The following NEB variants were observed in gnomAD, a reference collection of about 807,000 sequenced individuals.
NEB encodes the protein nemaline myopathy type 2.
Under a neutral mutation model 952.2 loss-of-function variants are expected in NEB, and 512 were observed. The observed-to-expected ratio is 0.54, with a 90% CI of 0.50 to 0.58. The LOEUF (loss-of-function observed/expected upper bound fraction) is 0.58. NEB is among the 20% of genes least tolerant of loss of function. The pLI, the probability that NEB is intolerant of heterozygous loss-of-function variation, is 0.00. For missense variants in NEB, 8,428 were observed against 9,231.1 expected (o/e 0.91, Z 3.56); for synonymous variants, 2,900 against 3,149.8 (o/e 0.92, Z 2.66).
intron 75 of NEB, among the ~76,000 whole-genome samples, chr2:151,616,475 G>A (rs139960481): frequency 2.2e-4 from 34 of 152,184 alleles, no homozygotes; most frequent in African/African-American, 6.7e-4. Context: ...GATCACCTGA[G>A]GTCATGAGTT....
In NEB at chr2:151,518,373, A is replaced by T; in HGVS notation, c.22745T>A (p.Ile7582Lys). The T allele has an allele frequency of 6.2e-7, 1 of 1,612,596 alleles. No homozygotes were observed. The highest frequency in any genetic ancestry group is 1.1e-5 in the South Asian group (1 of 91,038). Residue 7582 changes from isoleucine to lysine, a missense_variant, in exon 156 of 182, where the codon ATA becomes AAA. Around this residue, in one of 11 missense-constraint regions of NEB, gnomAD observed 3,374 missense variants for 3,651.5 expected, o/e 0.92. Coordinates refer to ENST00000397345, the MANE Select transcript of NEB (RefSeq NM_001164508.2). ...GTGAAGCTGCTCCAGATTATCGGGT[A>T]TGGTGTGGTAGTGGCCTTTACTCTT... ...YEKSKGHYHTIPDNLEQLHLK... is the reference protein window; with the variant it reads ...YEKSKGHYHTKPDNLEQLHLK...
At chr2:151,625,157 T>C (rs1402850016) in intron 71 of NEB, among the ~76,000 whole-genome samples, 2 of 152,212 alleles carry the variant, frequency 1.3e-5, no homozygotes, top group Non-Finnish European at 2.9e-5. Context: ...AGCATTTTAA[T>C]CCTATTTTAC....
Position 151,662,193 on chromosome 2 carries a change from G to A in NEB, c.5912C>T (p.Thr1971Ile), listed in dbSNP as rs762592136. The A allele has an allele frequency of 8.7e-6, 14 of 1,613,622 alleles. No individual in the cohort carries two copies. The highest frequency in any genetic ancestry group is 1.2e-5 in the Non-Finnish European group (14 of 1,179,676). The change falls in exon 46 of 182, where the codon ACA (threonine) becomes ATA (isoleucine). Residue 1971 changes from threonine to isoleucine, a missense_variant. By Grantham distance (89) the Thr-to-Ile change is moderately conservative (BLOSUM62 -1). Transcript: ENST00000397345. ...AACCATGTTCATCGAGTCCATGAGTGTGGAATACTTCAAAGTGTCTGGGTG... is the reference window on the plus strand; with the variant it reads ...AACCATGTTCATCGAGTCCATGAGTATGGAATACTTCAAAGTGTCTGGGTG... Reference protein sequence around the residue: ...RQHPDTLKYSTLMDSMNMVLA... With the variant: ...RQHPDTLKYSILMDSMNMVLA...
chr2:151,562,731 A>G lies in NEB; in HGVS notation c.18771T>C (p.Ala6257=), dbSNP rs755307254. The part of the protein sequence containing the change: ...IPNDMMNHVL[A]KRCQYILSDL... The stretch of plus-strand genomic sequence containing the variant: ...CACTGAGGATGTACTGGCACCTTTT[A>G]GCCAGCACGTGATTCATCATGTCAT... The change falls in exon 120 of 182, where the codon GCT becomes GCC. Residue 6257 remains alanine (A), a synonymous_variant. Coordinates refer to ENST00000397345, the MANE Select transcript of NEB (RefSeq NM_001164508.2). 6.2e-7 allele frequency: 1 copy of G among 1,604,774 alleles called. No homozygotes were observed. The highest frequency in any genetic ancestry group is 8.5e-7 in the Non-Finnish European group (1 of 1,175,210).
chr2:151,507,206 T>C (rs577229428), intron 162 of NEB, 193 bp from the exon 163 acceptor site: 16 of 535,298 alleles, frequency 3.0e-5, no homozygotes, highest in Middle Eastern at 5.1e-4. Flanking sequence ...AAAAAACATA[T>C]AAAGCTAGGG....
intron 3 of NEB, 130 bp downstream of exon 3, chr2:151,732,991 T>C: frequency 1.4e-6 from 1 of 729,652 alleles, no homozygotes; most frequent in Non-Finnish European, 2.2e-6. Context: ...TCCTTTCTTA[T>C]GCTTTAAATG....
chr2:151,666,027 G>C, intron 41 of NEB, 63 bp downstream of exon 41: 1 of 1,492,504 alleles, frequency 6.7e-7, no homozygotes. Flanking sequence ...GATGGAGTAA[G>C]TGGCTCCTGT....
At chr2:151,535,489 G>A (rs954344619) in intron 142 of NEB, among the ~76,000 whole-genome samples, 1 of 152,106 alleles carries the variant, frequency 6.6e-6, no homozygotes, top group Non-Finnish European at 1.5e-5. Context: ...ACCACTGAAC[G>A]GTCCCTTCAC....
intron 20 of NEB, chr2:151,692,575 T>G (rs2099566210): frequency 1.5e-5 from 9 of 581,882 alleles, no homozygotes; most frequent in Middle Eastern, 4.5e-4. Context: ...ATGTTTATGT[T>G]ACTTTTCCTA....
At position 151,505,686 on chromosome 2, in the gene NEB, C is replaced by T. The variant is rs555706086; in HGVS notation, c.23650-116G>A. 8.2e-5 allele frequency: 68 copies of T among 834,082 alleles called. 1 individual carries two copies. The highest frequency in any genetic ancestry group is 6.5e-4 in the Middle Eastern group (2 of 3,064). The allele number at this position is 834,082 out of a possible 1,614,324, so 51.7% of individuals were successfully genotyped here. A position where few individuals can be genotyped will look rare whatever the true frequency, so the allele number is the denominator to read the frequency against. The stretch of plus-strand genomic sequence containing the variant: ...TTAAAAAAATTAACAGTGTAAATAA[C>T]GCAGGCTTTATACTTAGTGTGAATG... On this transcript the variant is annotated intron_variant, in intron 164 of 181. Coordinates refer to ENST00000397345, the MANE Select transcript of NEB (RefSeq NM_001164508.2).
At chr2:151,543,201 T>C (rs1290313644) in intron 135 of NEB, among the ~76,000 whole-genome samples, 8 of 152,272 alleles carry the variant, frequency 5.3e-5, no homozygotes, top group Non-Finnish European at 1.2e-4. Context: ...CTAATAAATG[T>C]TGAAGGAATT....
At chr2:151,617,592 A>C in intron 74 of NEB, 124 bp from the exon 75 acceptor site, 1 of 573,530 alleles carries the variant, frequency 1.7e-6, no homozygotes, top group Non-Finnish European at 2.9e-6. Context: ...AAATTATTAA[A>C]GCTGCATAAA....
At chr2:151,629,418 A>C (rs1239533344) in intron 68 of NEB, 121 bp downstream of exon 68, 18 of 862,082 alleles carry the variant, frequency 2.1e-5, no homozygotes, top group Admixed American at 5.3e-5. Flanking sequence ...TTGAATTTGA[A>C]TTTGATTTAG....
chr2:151,539,639 C>A (rs1034557389), intron 138 of NEB, among the ~76,000 whole-genome samples: 1 of 152,102 alleles, frequency 6.6e-6, no homozygotes, highest in Non-Finnish European at 1.5e-5. Context: ...ACACAAAACC[C>A]GTAAGGATTG....
rs11902616 is a variant in NEB at position 151,610,487 on chromosome 2, C to T, written c.12018+29G>A. ...TCTGGGTTGTTCAGCACAGTGGAGA[C>T]CACAGAGAGTTAGATGGAAGGTACT... is the stretch of plus-strand genomic sequence containing the variant. On this transcript the variant is annotated intron_variant, in intron 80 of 181. Coordinates refer to ENST00000397345, the MANE Select transcript of NEB (RefSeq NM_001164508.2). The T allele has an allele frequency of 0.047, 72,037 of 1,540,414 alleles. 6,098 individuals carry two copies. Among genetic ancestry groups the T allele is most frequent in the African/African-American group, 0.33 (23,861 of 73,200 alleles).
intron 181 of NEB, 109 bp from the exon 182 acceptor site, chr2:151,486,042 C>A: frequency 8.7e-7 from 1 of 1,145,958 alleles, no homozygotes; most frequent in South Asian, 1.4e-5. Context: ...TTAAGTTGAA[C>A]AAAAGAGAAT....
intron 168 of NEB, 93 bp from the exon 169 acceptor site, chr2:151,499,483 C>T (rs1429445743): frequency 2.2e-5 from 15 of 693,874 alleles, no homozygotes; most frequent in Non-Finnish European, 2.8e-5. Flanking sequence ...AAACTACAGA[C>T]GTCAGACAGA....
At position 151,691,872 on chromosome 2, in the gene NEB, A is replaced by G; in HGVS notation, c.2203T>C (p.Cys735Arg). The G allele has an allele frequency of 3.1e-6, 5 of 1,592,572 alleles. No homozygotes were observed. The highest frequency in any genetic ancestry group is 4.3e-6 in the Non-Finnish European group (5 of 1,167,046). ...EYEAIKKLDQ[C>R]KDHTYKVHPD... ...CAGGGCAGCTAACTTACATCTTTAC[A>G]CTGGTCCAGCTTCTTGATTGCTTCA... The change falls in exon 23 of 182, where the codon TGT (cysteine) becomes CGT (arginine). Residue 735 changes from cysteine (C) to arginine (R), a missense_variant. Cys to Arg is a radical substitution (Grantham distance 180, BLOSUM62 -3). Transcript: ENST00000397345.
At chr2:151,498,070 T>C (rs1405487398) in intron 170 of NEB, 190 bp downstream of exon 170, 3 of 1,459,716 alleles carry the variant, frequency 2.1e-6, no homozygotes, top group Admixed American at 2.6e-5. Context: ...ACATGTTTGT[T>C]TGTAAATATC....
Sources: gnomAD v4.1 joint callset for allele counts (sites outside exome capture counted in the v4.1 genomes callset) on GRCh38, gnomAD v4.1.1 for gene constraint, gnomAD v4.1.1 regional missense constraint, MANE v1.5 for transcripts, NCBI Gene and HGNC (gene_info 2026-07-23, HGNC 2026-07-21) for gene names.